DOCK5: variants seen among roughly 807,000 people sequenced by gnomAD.
DOCK5 encodes the protein dedicator of cytokinesis 5.
In DOCK5, 142 loss-of-function variants were observed where a neutral mutation model predicts 251.8. The observed-to-expected ratio is 0.56, with a 90% CI of 0.49 to 0.65. The LOEUF is 0.65. Ranked by LOEUF, DOCK5 falls within the 30% of genes least tolerant of loss-of-function variation. DOCK5 has a pLI of 0.00. For missense variants in DOCK5, 2,111 were observed against 2,312.3 expected, an observed-to-expected ratio of 0.91 and a Z score of 1.79; for synonymous variants, 842 against 835.5, an observed-to-expected ratio of 1.01 and a Z score of -0.13.
intron 2 of DOCK5, among the ~76,000 whole-genome samples, chr8:25,267,270 A>G (rs754071657): frequency 6.6e-6 from 1 of 152,196 alleles, no homozygotes; most frequent in African/African-American, 2.4e-5. Flanking sequence ...TTTCTCAGCC[A>G]TGTGCCTTGA....
chr8:25,278,651 C>G lies in DOCK5; in HGVS notation c.307C>G (p.Arg103Gly). The change falls in exon 5 of 52, where the codon CGA (arginine) becomes GGA (glycine). Residue 103 changes from arginine to glycine, a missense_variant. Arg to Gly is a moderately radical substitution (Grantham distance 125, BLOSUM62 -2). Transcript: ENST00000276440. The stretch of plus-strand genomic sequence containing the variant: ...TCTGCGAGAATGGGCTGTCATCTGG[C>G]GAAAGCTCTACGTGGTGAGTTTCCC... ...STLREWAVIW[R>G]KLYVNNKLTL... 1 of 1,613,866 alleles carries G rather than the reference C, an allele frequency of 6.2e-7. No individual in the cohort carries two copies. Among genetic ancestry groups the G allele is most frequent in the Non-Finnish European group, 8.5e-7 (1 of 1,179,840 alleles).
At chr8:25,352,834 A>G (rs1800494452) in intron 27 of DOCK5, among the ~76,000 whole-genome samples, 1 of 152,154 alleles carries the variant, frequency 6.6e-6, no homozygotes, top group Non-Finnish European at 1.5e-5. Context: ...TAGAGAGAAA[A>G]AAAATGAGCA....
At chr8:25,270,853 T>C (rs1430397533) in intron 3 of DOCK5, 1 of 706,634 alleles carries the variant, frequency 1.4e-6, no homozygotes, top group South Asian at 1.5e-5. Flanking sequence ...TGATATAAAA[T>C]GGCATAGTAT....
rs773582527 is a variant in DOCK5, at chr8:25,390,189, C to T, written c.4274-17C>T. The T allele has an allele frequency of 1.3e-6, 2 of 1,570,284 alleles. No homozygotes were observed. The highest frequency in any genetic ancestry group is 1.7e-6 in the Non-Finnish European group (2 of 1,157,738). On this transcript the variant is annotated splice_polypyrimidine_tract_variant and intron_variant, in intron 41 of 51. Coordinates refer to ENST00000276440, the MANE Select transcript of DOCK5 (RefSeq NM_024940.8). ...TCACGACCCCAGCCCCTCTCCTTTC[C>T]TTAACGAGCTCTTCAGACATGCAGT... is the stretch of plus-strand genomic sequence containing the variant.
intron 2 of DOCK5, among the ~76,000 whole-genome samples, chr8:25,260,250 C>T (rs921083198): frequency 1.3e-5 from 2 of 152,180 alleles, no homozygotes; most frequent in African/African-American, 4.8e-5. Flanking sequence ...AGCCTTTGCC[C>T]TTGGCCTCAT....
intron 44 of DOCK5, 25 bp downstream of exon 44, chr8:25,392,907 A>G (rs6557840): frequency 0.36 from 566,810 of 1,571,736 alleles, 102,594 homozygotes; most frequent in Middle Eastern, 0.38. Context: ...ATTGGCATTT[A>G]GAAAAAAACT....
chr8:25,293,033 T>C (rs950248921), intron 6 of DOCK5, among the ~76,000 whole-genome samples: 21 of 152,200 alleles, frequency 1.4e-4, no homozygotes, highest in African/African-American at 4.8e-4. Context: ...ATATCCAGGC[T>C]CCAGATATCA....
intron 5 of DOCK5, among the ~76,000 whole-genome samples, chr8:25,291,772 G>C (rs993671943): frequency 6.7e-6 from 1 of 148,868 alleles, no homozygotes; most frequent in African/African-American, 2.5e-5. Flanking sequence ...TAGATCCATG[G>C]TGAGACCCTG....
chr8:25,368,428 A>G, intron 32 of DOCK5, 143 bp from the exon 33 acceptor site: 1 of 1,105,900 alleles, frequency 9.0e-7, no homozygotes, highest in Non-Finnish European at 1.3e-6. Flanking sequence ...TCTGGCATCC[A>G]CATGCTATCA....
intron 2 of DOCK5, among the ~76,000 whole-genome samples, chr8:25,262,770 C>G (rs1803627660): frequency 6.6e-6 from 1 of 152,080 alleles, no homozygotes; most frequent in African/African-American, 2.4e-5. Context: ...GTACACCCCA[C>G]CAACGATGCA....
intron 40 of DOCK5, among the ~76,000 whole-genome samples, chr8:25,388,503 T>G (rs142675993): frequency 6.9e-4 from 105 of 152,334 alleles, no homozygotes; most frequent in African/African-American, 2.4e-3. Context: ...AAATAGTATT[T>G]AATGCAGTAA....
At chr8:25,399,828 C>T in intron 45 of DOCK5, 83 bp from the exon 46 acceptor site, 1 of 1,033,636 alleles carries the variant, frequency 9.7e-7, no homozygotes, top group South Asian at 1.4e-5. Flanking sequence ...TTCTTCCGCA[C>T]AGGACACATG....
chr8:25,381,042 C>T (rs906511386), intron 39 of DOCK5, among the ~76,000 whole-genome samples: 1 of 151,942 alleles, frequency 6.6e-6, no homozygotes, highest in African/African-American at 2.4e-5. Flanking sequence ...AGGCAGCCAC[C>T]ATTCCAAATG....
intron 40 of DOCK5, among the ~76,000 whole-genome samples, chr8:25,387,805 A>G (rs941459409): frequency 2.0e-5 from 3 of 151,970 alleles, no homozygotes; most frequent in Non-Finnish European, 4.4e-5. Context: ...TCCTTATCCC[A>G]TTCATCTGTC....
At chr8:25,278,700 C>A in intron 5 of DOCK5, 35 bp downstream of exon 5, 1 of 1,589,516 alleles carries the variant, frequency 6.3e-7, no homozygotes, top group South Asian at 1.1e-5. Flanking sequence ...GCCCCAGGGT[C>A]ACTCTGGGTC....
Position 25,392,882 on chromosome 8 carries a change from A to T in DOCK5, c.4527A>T (p.Thr1509=). Residue 1509 remains threonine, a splice_region_variant and synonymous_variant, in exon 44 of 52, where the codon ACA becomes ACT. Transcript: ENST00000276440. The part of the protein sequence containing the change: ...LKWFEVKQIS[T]EEISPLENAI... ...GGTTTGAAGTCAAACAGATTTCAAC[A>T]GTGAGTCATTTGAAATTGGCATTTA... is the stretch of plus-strand genomic sequence containing the variant. The T allele has an allele frequency of 6.2e-7, 1 of 1,608,658 alleles. No individual in the cohort carries two copies. The highest frequency in any genetic ancestry group is 8.5e-7 in the Non-Finnish European group (1 of 1,176,762).
chr8:25,219,670 T>C (rs1318525349), intron 1 of DOCK5, among the ~76,000 whole-genome samples: 1 of 152,014 alleles, frequency 6.6e-6, no homozygotes, highest in South Asian at 2.1e-4. Flanking sequence ...ATGGGAATAA[T>C]GCATATGTAG....
At chr8:25,382,870 C>T (rs752089216) in intron 40 of DOCK5, 92 bp downstream of exon 40, 29 of 1,043,468 alleles carry the variant, frequency 2.8e-5, no homozygotes, top group Admixed American at 5.4e-5. Flanking sequence ...TAGCAGCTGC[C>T]GACCCGTGTT....
intron 1 of DOCK5, among the ~76,000 whole-genome samples, chr8:25,218,649 T>A (rs1802309898): frequency 6.6e-6 from 1 of 152,110 alleles, no homozygotes. Context: ...CAGGAGAAGG[T>A]GATAGCATTG....
Sources: gnomAD v4.1 joint callset for allele counts (sites outside exome capture counted in the v4.1 genomes callset) on GRCh38, gnomAD v4.1.1 for gene constraint, MANE v1.5 for transcripts, NCBI Gene and HGNC (gene_info 2026-07-23, HGNC 2026-07-21) for gene names.